The following TXNL1 variants were observed in gnomAD, a reference collection of about 807,000 sequenced individuals.
TXNL1 encodes thioredoxin-like protein 1.
TXNL1 carries 14 observed loss-of-function variants against 35.5 expected under a neutral mutation model. The observed-to-expected ratio is 0.39, with a 90% CI of 0.26 to 0.62. The LOEUF (loss-of-function observed/expected upper bound fraction) is 0.62. TXNL1 is among the 20% of genes least tolerant of loss of function. The probability of loss-of-function intolerance (pLI) is 0.47; values close to 1 mark genes in which losing one functional copy is unlikely to be tolerated. For missense variants in TXNL1, 263 were observed against 349.7 expected (o/e 0.75, Z 1.98); for synonymous variants, 110 against 115.5 (o/e 0.95, Z 0.31).
intron 5 of TXNL1, among the ~76,000 whole-genome samples, chr18:56,615,472 G>C (rs1568102158): frequency 6.7e-6 from 1 of 148,906 alleles, no homozygotes; most frequent in African/African-American, 2.5e-5. Flanking sequence ...AGAAAAAATG[G>C]GGGGGGGCAA....
At chr18:56,616,139 A>G (rs1568102510) in intron 5 of TXNL1, 106 bp downstream of exon 5, 4 of 1,066,344 alleles carry the variant, frequency 3.8e-6, no homozygotes, top group East Asian at 2.7e-5. Context: ...CTCAAAAAAA[A>G]AAAAAAAGAA....
intron 3 of TXNL1, among the ~76,000 whole-genome samples, chr18:56,620,416 A>G (rs1184869407): frequency 3.9e-5 from 6 of 152,246 alleles, no homozygotes; most frequent in Non-Finnish European, 1.5e-5. Flanking sequence ...TAAATTTAAA[A>G]GTTTTCTTTT....
intron 1 of TXNL1, among the ~76,000 whole-genome samples, chr18:56,636,277 C>T (rs1254404282): frequency 6.6e-6 from 1 of 152,076 alleles, no homozygotes; most frequent in African/African-American, 2.4e-5. Flanking sequence ...GAAATAGGTG[C>T]TGGAGAAACT....
chr18:56,633,921 T>C (rs12457631), intron 1 of TXNL1, among the ~76,000 whole-genome samples: 9,731 of 138,182 alleles, frequency 0.07, 500 homozygotes, highest in East Asian at 0.25. Flanking sequence ...GAGGCAGAGG[T>C]TGCAGTGAGC....
intron 2 of TXNL1, 111 bp downstream of exon 2, chr18:56,626,250 C>A (rs1457779165): frequency 6.8e-7 from 1 of 1,470,686 alleles, no homozygotes; most frequent in East Asian, 2.4e-5. Context: ...ATCTTCCTAT[C>A]TTCAAAGGAA....
chr18:56,599,377 A>C lies in TXNL1; in HGVS notation c.*3650T>G, dbSNP rs2144265225. 1 of 152,142 alleles carries C rather than the reference A, an allele frequency of 6.6e-6. No individual in the cohort carries two copies. Among genetic ancestry groups the C allele is most frequent in the African/African-American group, 2.4e-5 (1 of 41,466 alleles). The allele number at this position is 152,142 out of a possible 1,614,324, so 9.4% of individuals were successfully genotyped here. A position where few individuals can be genotyped will look rare whatever the true frequency, so the allele number is the denominator to read the frequency against. ...GTCTTCCTTAAGAAGTATAGGCTTA[A>C]CTGGGGAATAGTCAATATTTTAAAA... On this transcript the variant is annotated 3_prime_UTR_variant, in exon 8 of 8. Transcript: ENST00000217515.
chr18:56,637,824 G>A (rs1396961794), intron 1 of TXNL1, among the ~76,000 whole-genome samples: 1 of 152,196 alleles, frequency 6.6e-6, no homozygotes, highest in Non-Finnish European at 1.5e-5. Flanking sequence ...AACTTAGTTC[G>A]AAATGCATTA....
chr18:56,616,343 G>A (rs752727991), intron 4 of TXNL1, 29 bp from the exon 5 acceptor site: 1 of 1,601,412 alleles, frequency 6.2e-7, no homozygotes. Context: ...CATTTTAAAG[G>A]GCTCTTGTAC....
intron 3 of TXNL1, among the ~76,000 whole-genome samples, chr18:56,621,951 T>C (rs989821715): frequency 2.1e-5 from 3 of 141,220 alleles, no homozygotes; most frequent in Non-Finnish European, 4.5e-5. Context: ...AGGGGGACGG[T>C]GGAGGTTGCA....
At chr18:56,632,424 GTATGTTACGCA>G (rs1364774716) in intron 1 of TXNL1, among the ~76,000 whole-genome samples, 3 of 152,204 alleles carry the variant, frequency 2.0e-5, no homozygotes, top group African/African-American at 7.2e-5. Flanking sequence ...GGCACTTACT[GTATGTTACGCA>G]TTCACAAACT....
At chr18:56,612,760 CAT>C (rs1190577143) in intron 6 of TXNL1, among the ~76,000 whole-genome samples, 1 of 152,070 alleles carries the variant, frequency 6.6e-6, no homozygotes, top group Non-Finnish European at 1.5e-5. Flanking sequence ...CATAGGCAGC[CAT>C]ATGTTATTTC....
In TXNL1 at chr18:56,598,555, G is replaced by A. The variant is rs1347255778; in HGVS notation, c.*4472C>T. 6.6e-6 allele frequency: 1 copy of A among 152,590 alleles called. No individual in the cohort carries two copies. The highest frequency in any genetic ancestry group is 1.5e-5 in the Non-Finnish European group (1 of 68,390). The allele number at this position is 152,590 out of a possible 1,614,324, so 9.5% of individuals were successfully genotyped here. ...AGAAATGAGGGGCATGGGGAGGCTAGAGGAGGAGAGATTACATTACAAAGA... is the reference window on the plus strand; with the variant it reads ...AGAAATGAGGGGCATGGGGAGGCTAAAGGAGGAGAGATTACATTACAAAGA... On this transcript the variant is annotated 3_prime_UTR_variant, in exon 8 of 8. Coordinates refer to ENST00000217515, the MANE Select transcript of TXNL1 (RefSeq NM_004786.3).
At position 56,638,453 on chromosome 18, in the gene TXNL1, C is replaced by T; in HGVS notation, c.-13G>A. 6.2e-7 allele frequency: 1 copy of T among 1,608,432 alleles called. No individual in the cohort carries two copies. The highest frequency in any genetic ancestry group is 8.5e-7 in the Non-Finnish European group (1 of 1,176,470). ...TCACCCCCACCATCCTCACAGAGAG[C>T]CCGGCAGGGTGGCCGCGACGCCACT... On this transcript the variant is annotated 5_prime_UTR_variant, in exon 1 of 8. Coordinates refer to ENST00000217515, the MANE Select transcript of TXNL1 (RefSeq NM_004786.3).
intron 3 of TXNL1, among the ~76,000 whole-genome samples, chr18:56,622,981 A>G (rs975416885): frequency 6.6e-6 from 1 of 151,980 alleles, no homozygotes; most frequent in Non-Finnish European, 1.5e-5. Flanking sequence ...CACCCTTACA[A>G]TCTCCTACTA....
chr18:56,624,197 G>T (rs2024238040), intron 3 of TXNL1, 91 bp downstream of exon 3: 3 of 1,347,382 alleles, frequency 2.2e-6, no homozygotes, highest in South Asian at 1.6e-5. Context: ...GTAAGAGATA[G>T]AAGATGGAAA....
At chr18:56,616,210 G>A in intron 5 of TXNL1, 35 bp downstream of exon 5, 14 of 1,572,328 alleles carry the variant, frequency 8.9e-6, no homozygotes, top group Non-Finnish European at 1.2e-5. Context: ...CTACAAAGCA[G>A]AAGTTAGTTT....
At chr18:56,613,327 A>G (rs576724151) in intron 6 of TXNL1, among the ~76,000 whole-genome samples, 1 of 152,256 alleles carries the variant, frequency 6.6e-6, no homozygotes, top group Admixed American at 6.5e-5. Context: ...TCTTTTTCTA[A>G]GTATTCTGCT....
At chr18:56,625,826 A>G (rs923330033) in intron 2 of TXNL1, among the ~76,000 whole-genome samples, 5 of 152,110 alleles carry the variant, frequency 3.3e-5, no homozygotes, top group African/African-American at 9.7e-5. Context: ...TTCCCTTAAC[A>G]ATTCCCCACA....
At chr18:56,613,540 G>A (rs1250934973) in intron 6 of TXNL1, among the ~76,000 whole-genome samples, 1 of 152,208 alleles carries the variant, frequency 6.6e-6, no homozygotes, top group African/African-American at 2.4e-5. Context: ...AAGGCTGGGT[G>A]TAGTGGCTGA....
Sources: allele counts gnomAD v4.1 joint callset (sites outside exome capture counted in the v4.1 genomes callset), GRCh38; gene constraint gnomAD v4.1.1; transcripts MANE v1.5; gene names NCBI Gene and HGNC (gene_info 2026-07-23, HGNC 2026-07-21).